Variants in UTP15 observed in about 807,000 individuals in gnomAD.
The protein encoded by UTP15 is U3 small nucleolar RNA-associated protein 15 homolog.
A neutral mutation model predicts 59.1 loss-of-function variants in UTP15; 5 were observed. The observed-to-expected ratio is 0.08, with a 90% CI of 0.04 to 0.18. UTP15 has a LOEUF of 0.18. UTP15 is among the 10% of genes least tolerant of loss of function. The pLI is 1.00. For synonymous variants in UTP15, 211 were observed against 212.2 expected, an observed-to-expected ratio of 0.99 and a Z score of 0.05; for missense variants, 494 against 616.7, an observed-to-expected ratio of 0.80 and a Z score of 2.11.
rs1748003842 is a variant in UTP15 at position 73,573,540 on chromosome 5, G to C, written c.809+916G>C. 2.7e-5 allele frequency among the ~76,000 whole-genome samples: 4 copies of C among 150,224 alleles called. No individual in the cohort carries two copies. In the South Asian group the frequency reaches 8.4e-4, roughly 32 times the overall value. ...TGGGATTACAGGTGTGAGCCACTGT[G>C]CCTGGCCTGAAAAGTTTTTTAAAAA... On this transcript the variant is annotated intron_variant, in intron 7 of 12. Transcript: ENST00000296792.
At position 73,579,987 on chromosome 5, in the gene UTP15, T is replaced by C. The variant is rs536479602; in HGVS notation, c.1450T>C (p.Leu484=). 8.6e-5 allele frequency: 139 copies of C among 1,613,894 alleles called. 3 individuals carry two copies. The South Asian group carries it at 1.5e-3, about 17-fold the overall frequency. ...IDYQRELLET[L]GMMDMLFATM... is the part of the protein sequence containing the mutation. ...TTACCAAAGAGAATTGTTAGAAACC[T>C]TGGGGATGATGGATATGCTTTTTGC... Residue 484 remains leucine, a synonymous_variant, in exon 13 of 13, where the codon TTG becomes CTG. Coordinates refer to ENST00000296792, the MANE Select transcript of UTP15 (RefSeq NM_032175.4).
At position 73,583,061 on chromosome 5, in the gene UTP15, T is replaced by C. The variant is rs1012542770; in HGVS notation, c.*2967T>C. On this transcript the variant is annotated 3_prime_UTR_variant, in exon 13 of 13. Transcript: ENST00000296792. Reference sequence around the variant, plus strand: ...GGAATTTGAATTGTAAATGGGATTGTTAAAACAAATTTAGTCTGTTCAACT... The same window carrying C: ...GGAATTTGAATTGTAAATGGGATTGCTAAAACAAATTTAGTCTGTTCAACT... 1 of 152,222 alleles carries C rather than the reference T, an allele frequency of 6.6e-6. No individual in the cohort carries two copies. Among genetic ancestry groups the C allele is most frequent in the African/African-American group, 2.4e-5 (1 of 41,460 alleles). 9.4% of individuals were successfully genotyped at this position (152,222 alleles called of 1,614,324 possible). A position where few individuals can be genotyped will look rare whatever the true frequency, so the allele number is the denominator to read the frequency against.
In UTP15 at chr5:73,581,305, C is replaced by T. The variant is rs1424210147; in HGVS notation, c.*1211C>T. ...ACCTCAAGTGATCTACCTGCCTCTG[C>T]CTCCCGAAGTGCTTGGATTACAGGT... On this transcript the variant is annotated 3_prime_UTR_variant, in exon 13 of 13. Transcript: ENST00000296792. 1 of 152,190 alleles carries T rather than the reference C, an allele frequency of 6.6e-6. No individual in the cohort carries two copies. The highest frequency in any genetic ancestry group is 1.9e-4 in the East Asian group (1 of 5,200). The allele number at this position is 152,190 out of a possible 1,614,324, so 9.4% of individuals were successfully genotyped here.
intron 1 of UTP15, among the ~76,000 whole-genome samples, chr5:73,566,535 G>T (rs574611885): frequency 6.6e-6 from 1 of 152,114 alleles, no homozygotes; most frequent in Non-Finnish European, 1.5e-5. Flanking sequence ...TATTTATCGT[G>T]GTGTTACTAA....
intron 7 of UTP15, among the ~76,000 whole-genome samples, chr5:73,575,350 C>T (rs983596367): frequency 2.0e-5 from 3 of 152,062 alleles, no homozygotes; most frequent in African/African-American, 7.2e-5. Context: ...CCTCAAGGAA[C>T]GTTTGACAAT....
rs1747810115 is a variant in UTP15, at chr5:73,567,450, A to T, written c.90+16A>T. 1 of 1,565,658 alleles carries T rather than the reference A, an allele frequency of 6.4e-7. No individual in the cohort carries two copies. The highest frequency in any genetic ancestry group is 8.7e-7 in the Non-Finnish European group (1 of 1,151,274). On this transcript the variant is annotated intron_variant, in intron 2 of 12. Coordinates refer to ENST00000296792, the MANE Select transcript of UTP15 (RefSeq NM_032175.4). ...CAACTATAAGGTGAGTGTGGGACGT[A>T]ATGAGGGAGAAGGGATTTGTGTTTA...
At chr5:73,566,750 C>T (rs1191926935) in intron 1 of UTP15, among the ~76,000 whole-genome samples, 1 of 152,210 alleles carries the variant, frequency 6.6e-6, no homozygotes, top group Non-Finnish European at 1.5e-5. Flanking sequence ...TTCTTTCCTA[C>T]TGTTTAAACC....
At chr5:73,574,190 G>A (rs1208933348) in intron 7 of UTP15, among the ~76,000 whole-genome samples, 1 of 151,786 alleles carries the variant, frequency 6.6e-6, no homozygotes, top group Non-Finnish European at 1.5e-5. Context: ...TGGCCACAGT[G>A]GTACACACCT....
At chr5:73,567,702 T>C (rs1747820835) in intron 2 of UTP15, 2 of 257,960 alleles carry the variant, frequency 7.8e-6, no homozygotes, top group Non-Finnish European at 1.5e-5. Flanking sequence ...AATTTGAATC[T>C]CATATGTGTA....
In UTP15 at chr5:73,578,862, C is replaced by T. The variant is rs750486381; in HGVS notation, c.1146+10C>T. On this transcript the variant is annotated intron_variant, in intron 10 of 12. Transcript: ENST00000296792. Reference sequence around the variant, plus strand: ...CGATAGAGTTCTTGATGTGAGTGAGCATTTTTTAAAAAATCATGTTATTAC... The same window carrying T: ...CGATAGAGTTCTTGATGTGAGTGAGTATTTTTTAAAAAATCATGTTATTAC... 1.9e-6 allele frequency: 3 copies of T among 1,596,206 alleles called. No individual in the cohort carries two copies. In the East Asian group the frequency reaches 6.7e-5, roughly 36 times the overall value.
intron 7 of UTP15, among the ~76,000 whole-genome samples, chr5:73,576,660 A>T (rs1300511463): frequency 6.6e-6 from 1 of 151,628 alleles, no homozygotes; most frequent in Non-Finnish European, 1.5e-5. Flanking sequence ...TTTAGTAGAG[A>T]TGGAGTTTCA....
chr5:73,575,571 T>A (rs1219031378), intron 7 of UTP15, among the ~76,000 whole-genome samples: 2 of 151,944 alleles, frequency 1.3e-5, no homozygotes, highest in East Asian at 1.9e-4. Context: ...TTTTTTAATT[T>A]ATTTTTTTAG....
Position 73,567,411 on chromosome 5 carries a change from A to G in UTP15, c.67A>G (p.Thr23Ala), listed in dbSNP as rs907273271. 4 of 1,609,656 alleles carry G rather than the reference A, an allele frequency of 2.5e-6. No homozygotes were observed. The highest frequency in any genetic ancestry group is 1.3e-5 in the African/African-American group (1 of 74,826). The change falls in exon 2 of 13, where the codon ACA becomes GCA. Residue 23 changes from threonine (T) to alanine (A), a missense_variant. Coordinates refer to ENST00000296792, the MANE Select transcript of UTP15 (RefSeq NM_032175.4). ...ACTTGGTGAAAAAATCACCCAAGAT[A>G]CACTGTACTGGAACAACTATAAGGT... ...PILGEKITQDTLYWNNYKTPV... is the reference protein window; with the variant it reads ...PILGEKITQDALYWNNYKTPV...
chr5:73,578,893 C>T (rs764190963), intron 10 of UTP15, 41 bp downstream of exon 10: 2 of 1,585,242 alleles, frequency 1.3e-6, no homozygotes, highest in Non-Finnish European at 1.7e-6. Flanking sequence ...ATTACTTACC[C>T]TGCATATTAC....
Position 73,580,166 on chromosome 5 carries a change from A to G in UTP15, c.*72A>G. The G allele has an allele frequency of 7.4e-7, 1 of 1,357,320 alleles. No homozygotes were observed. The highest frequency in any genetic ancestry group is 1.0e-6 in the Non-Finnish European group (1 of 981,886). The allele number at this position is 1,357,320 out of a possible 1,614,324, so 84.1% of individuals were successfully genotyped here. A position where few individuals can be genotyped will look rare whatever the true frequency, so the allele number is the denominator to read the frequency against. Reference sequence around the variant, plus strand: ...TGACTGTATTAAATGTTGGCGAGAGACTCTCTTTGATACATTAAAAAAACT... The same window carrying G: ...TGACTGTATTAAATGTTGGCGAGAGGCTCTCTTTGATACATTAAAAAAACT... On this transcript the variant is annotated 3_prime_UTR_variant, in exon 13 of 13. Coordinates refer to ENST00000296792, the MANE Select transcript of UTP15 (RefSeq NM_032175.4).
intron 7 of UTP15, among the ~76,000 whole-genome samples, chr5:73,575,201 G>A (rs1049663998): frequency 6.6e-6 from 1 of 152,172 alleles, no homozygotes; most frequent in Non-Finnish European, 1.5e-5. Context: ...AATTTTTTAT[G>A]TAAATACATG....
chr5:73,579,368 A>C lies in UTP15; in HGVS notation c.1332A>C (p.Ile444=), dbSNP rs143711369. ...FAPVLINAAE[I]IIDIYLPVIG... ...CTGTTTTAATCAATGCTGCTGAAAT[A>C]ATTATTGGTAAGTCATTGTTAAAAC... The change falls in exon 12 of 13, where the codon ATA becomes ATC. Residue 444 remains isoleucine, a synonymous_variant. Coordinates refer to ENST00000296792, the MANE Select transcript of UTP15 (RefSeq NM_032175.4). The C allele has an allele frequency of 4.9e-5, 79 of 1,605,290 alleles. No individual in the cohort carries two copies. In the African/African-American group the frequency reaches 9.8e-4, roughly 20 times the overall value.
At chr5:73,569,160 T>C (rs575116076) in intron 4 of UTP15, among the ~76,000 whole-genome samples, 2 of 152,358 alleles carry the variant, frequency 1.3e-5, no homozygotes, top group Admixed American at 1.3e-4. Context: ...TAAATCTCTT[T>C]AGAGTTTTTT....
intron 7 of UTP15, among the ~76,000 whole-genome samples, chr5:73,575,527 T>C (rs1335010141): frequency 6.6e-6 from 1 of 152,030 alleles, no homozygotes; most frequent in Non-Finnish European, 1.5e-5. Flanking sequence ...CCCTGATCTT[T>C]GGCTTCATGT....
Sources: allele counts gnomAD v4.1 joint callset (sites outside exome capture counted in the v4.1 genomes callset), GRCh38; gene constraint gnomAD v4.1.1; transcripts MANE v1.5; gene names NCBI Gene and HGNC (gene_info 2026-07-23, HGNC 2026-07-21).